Variants in ARIH2 observed in about 807,000 individuals in gnomAD.
ARIH2 encodes the protein ariadne RBR E3 ubiquitin protein ligase 2, also known as E3 ubiquitin-protein ligase ARIH2.
Under a neutral mutation model 79.8 loss-of-function variants are expected in ARIH2, and 12 were observed. The observed-to-expected ratio is 0.15, with a 90% CI of 0.10 to 0.24. ARIH2 has a LOEUF of 0.24. ARIH2 is among the 10% of genes least tolerant of loss of function. ARIH2 has a pLI of 1.00. For synonymous variants in ARIH2, 224 were observed against 213.9 expected (o/e 1.05, Z -0.41); for missense variants, 301 against 618.3 (o/e 0.49, Z 5.44).
chr3:48,949,180 C>G, intron 3 of ARIH2: 1 of 445,574 alleles, frequency 2.2e-6, no homozygotes, highest in Non-Finnish European at 4.5e-6. Flanking sequence ...TGCAGTGGCA[C>G]GATCTCGGCT....
chr3:48,955,046 A>G (rs1275310910), intron 3 of ARIH2, among the ~76,000 whole-genome samples: 1 of 152,092 alleles, frequency 6.6e-6, no homozygotes, highest in East Asian at 1.9e-4. Context: ...AAAAATACCA[A>G]AAATAGCTGG....
At chr3:48,959,921 A>G (rs966726675) in intron 3 of ARIH2, among the ~76,000 whole-genome samples, 1 of 152,200 alleles carries the variant, frequency 6.6e-6, no homozygotes, top group African/African-American at 2.4e-5. Context: ...GAGCGCTAGA[A>G]GGAGGGATCA....
intron 11 of ARIH2, among the ~76,000 whole-genome samples, chr3:48,975,851 C>G (rs2092468303): frequency 6.6e-6 from 1 of 152,010 alleles, no homozygotes; most frequent in South Asian, 2.1e-4. Context: ...GAGTGAGCCA[C>G]TGTGCCCGAC....
chr3:48,927,477 AT>A lies in ARIH2; in HGVS notation c.-81del. 1.3e-6 allele frequency: 2 copies of A among 1,517,032 alleles called. No homozygotes were observed. Among genetic ancestry groups the A allele is most frequent in the Non-Finnish European group, 1.8e-6 (2 of 1,125,750 alleles). The allele number at this position is 1,517,032 out of a possible 1,614,324, so 94.0% of individuals were successfully genotyped here. A position where few individuals can be genotyped will look rare whatever the true frequency, so the allele number is the denominator to read the frequency against. ...CCTCCCTTAGAAGACAAAAATACTA[AT>A]GCATTTGAGAAAGCGGTAGTTTTGG... is the stretch of plus-strand genomic sequence containing the variant. On this transcript the variant is annotated 5_prime_UTR_variant, in exon 3 of 16. An upstream start codon of the reference 5' UTR is lost. Coordinates refer to ENST00000356401, the MANE Select transcript of ARIH2 (RefSeq NM_006321.4).
intron 3 of ARIH2, among the ~76,000 whole-genome samples, chr3:48,958,422 AATAG>A (rs781778282): frequency 1.8e-4 from 27 of 152,184 alleles, no homozygotes; most frequent in Non-Finnish European, 3.4e-4. Context: ...TATTTAAAAA[AATAG>A]ATAGGCCGGG....
intron 8 of ARIH2, among the ~76,000 whole-genome samples, chr3:48,973,082 T>C (rs1353790645): frequency 6.6e-6 from 1 of 152,258 alleles, no homozygotes. Flanking sequence ...GAGACATTCA[T>C]GCAGTATTTC....
At chr3:48,926,895 G>C (rs1047291603) in intron 2 of ARIH2, 1 of 153,006 alleles carries the variant, frequency 6.5e-6, no homozygotes, top group African/African-American at 2.4e-5. Context: ...TTGCAGACTA[G>C]AGGAGGATGT....
chr3:48,919,536 A>G (rs973819293), intron 1 of ARIH2, among the ~76,000 whole-genome samples: 2 of 152,114 alleles, frequency 1.3e-5, no homozygotes, highest in Non-Finnish European at 2.9e-5. Context: ...AGTACTGTTC[A>G]TTGCCTGGTC....
intron 3 of ARIH2, among the ~76,000 whole-genome samples, chr3:48,937,789 T>A (rs953180021): frequency 6.6e-6 from 1 of 152,066 alleles, no homozygotes; most frequent in Non-Finnish European, 1.5e-5. Context: ...GGCTCACACG[T>A]GTAATCCCAG....
intron 3 of ARIH2, 135 bp downstream of exon 3, chr3:48,927,948 A>C: frequency 1.3e-5 from 14 of 1,073,380 alleles, no homozygotes; most frequent in Non-Finnish European, 1.9e-5. Flanking sequence ...TGTCAACATC[A>C]TTTGGACATT....
At chr3:48,980,103 A>G (rs2092697488) in intron 12 of ARIH2, 1 of 354,336 alleles carries the variant, frequency 2.8e-6, no homozygotes, top group South Asian at 5.5e-5. Context: ...TCAGGGGCCT[A>G]GCTTTGCAGA....
chr3:48,967,157 A>G lies in ARIH2; in HGVS notation c.420A>G (p.Ala140=), dbSNP rs1456799532. 1 of 1,613,962 alleles carries G rather than the reference A, an allele frequency of 6.2e-7. No homozygotes were observed. Among genetic ancestry groups the G allele is most frequent in the African/African-American group, 1.3e-5 (1 of 74,882 alleles). Residue 140 remains alanine, a synonymous_variant, in exon 6 of 16, where the codon GCA becomes GCG. Coordinates refer to ENST00000356401, the MANE Select transcript of ARIH2 (RefSeq NM_006321.4). The part of the protein sequence containing the change: ...VPTSHPPHHC[A]VCMQFVRKEN... ...CATCCCATCCCCCTCACCACTGTGCAGTGTGTATGCAGTTTGTGCGAAAGG... is the reference window on the plus strand; with the variant it reads ...CATCCCATCCCCCTCACCACTGTGCGGTGTGTATGCAGTTTGTGCGAAAGG...
intron 3 of ARIH2, 139 bp from the exon 4 acceptor site, chr3:48,961,472 AG>A: frequency 5.7e-6 from 3 of 523,682 alleles, no homozygotes; most frequent in Non-Finnish European, 1.0e-5. Context: ...TAAAAGACAA[AG>A]CAGAGAACCA....
intron 4 of ARIH2, 57 bp from the exon 5 acceptor site, chr3:48,964,862 A>AG: frequency 7.5e-7 from 1 of 1,338,354 alleles, no homozygotes; most frequent in South Asian, 1.2e-5. Context: ...GTTATTGTTC[A>AG]GGGGTAAAAA....
intron 3 of ARIH2, among the ~76,000 whole-genome samples, chr3:48,939,443 C>T (rs1001812219): frequency 6.6e-6 from 1 of 151,716 alleles, no homozygotes; most frequent in African/African-American, 2.4e-5. Flanking sequence ...TTTTCCTGAC[C>T]CTTCTTCCCT....
At chr3:48,962,331 T>C (rs971441058) in intron 4 of ARIH2, among the ~76,000 whole-genome samples, 4 of 151,804 alleles carry the variant, frequency 2.6e-5, no homozygotes, top group Non-Finnish European at 5.9e-5. Flanking sequence ...GAGCCGAGAT[T>C]GTGCCACTGC....
At position 48,947,475 on chromosome 3, in the gene ARIH2, G is replaced by T. The variant is rs575365829; in HGVS notation, c.256-14137G>T. On this transcript the variant is annotated intron_variant, in intron 3 of 15. Transcript: ENST00000356401. Reference sequence around the variant, plus strand: ...AAAAAAAAGGAAAAAAAAAGCCAGAGAATATTGTAAAGTTATCAGCATTAT... The same window carrying T: ...AAAAAAAAGGAAAAAAAAAGCCAGATAATATTGTAAAGTTATCAGCATTAT... Among the ~76,000 whole-genome samples the T allele has an allele frequency of 7.3e-5, 11 of 150,170 alleles. No homozygotes were observed. In the South Asian group the frequency reaches 2.3e-3, roughly 31 times the overall value.
At chr3:48,930,303 T>C (rs537776716) in intron 3 of ARIH2, among the ~76,000 whole-genome samples, 32 of 152,330 alleles carry the variant, frequency 2.1e-4, no homozygotes, top group Non-Finnish European at 4.3e-4. Context: ...TATTTACTTA[T>C]ATTTTTAAAA....
chr3:48,932,301 GA>G (rs2086484425), intron 3 of ARIH2, among the ~76,000 whole-genome samples: 1 of 152,194 alleles, frequency 6.6e-6, no homozygotes, highest in African/African-American at 2.4e-5. Context: ...ATAGTCAAAT[GA>G]GATGAAATGA....
Sources: allele counts gnomAD v4.1 joint callset (sites outside exome capture counted in the v4.1 genomes callset), GRCh38; gene constraint gnomAD v4.1.1; transcripts MANE v1.5; gene names NCBI Gene and HGNC (gene_info 2026-07-23, HGNC 2026-07-21).